SOD1: variants seen among roughly 807,000 people sequenced by gnomAD.
SOD1 encodes superoxide dismutase 1.
In SOD1, 8 loss-of-function variants were observed where a neutral mutation model predicts 15.9. The ratio of observed to expected loss-of-function variants is 0.50; its 90% confidence interval spans 0.30 to 0.91. SOD1 has a LOEUF of 0.91. Ranked by LOEUF, SOD1 falls within the 40% of genes least tolerant of loss-of-function variation. The pLI is 0.07. For synonymous variants in SOD1, 86 were observed against 71.2 expected, an observed-to-expected ratio of 1.21 and a Z score of -1.04; for missense variants, 137 against 194.5, an observed-to-expected ratio of 0.70 and a Z score of 1.76.
chr21:31,666,133 A>G (rs1446010487), intron 2 of SOD1, among the ~76,000 whole-genome samples: 1 of 151,786 alleles, frequency 6.6e-6, no homozygotes, highest in Non-Finnish European at 1.5e-5. Flanking sequence ...CACCACGCCT[A>G]GCTAATTTTT....
rs772711633 is a variant in SOD1, at chr21:31,668,858, A to G, written c.*280A>G. The stretch of plus-strand genomic sequence containing the variant: ...TTAAACTTGTCAGAATTTCTTTGTC[A>G]TTCAAGCCTGTGAATAAAAACCCTG... On this transcript the variant is annotated 3_prime_UTR_variant, in exon 5 of 5. Coordinates refer to ENST00000270142, the MANE Select transcript of SOD1 (RefSeq NM_000454.5). The G allele has an allele frequency of 2.3e-4, 92 of 399,212 alleles. No homozygotes were observed. The highest frequency in any genetic ancestry group is 3.9e-4 in the Non-Finnish European group (83 of 215,202). The allele number at this position is 399,212 out of a possible 1,614,324, so 24.7% of individuals were successfully genotyped here. A position where few individuals can be genotyped will look rare whatever the true frequency, so the allele number is the denominator to read the frequency against.
chr21:31,667,278 A>G lies in SOD1; in HGVS notation c.260A>G (p.Asn87Ser), dbSNP rs11556620. Residue 87 changes from asparagine to serine, a missense_variant, in exon 4 of 5, where the codon AAT (asparagine) becomes AGT (serine). Physicochemically the swap from Asn to Ser is conservative, Grantham distance 46. Transcript: ENST00000270142. ...DEERHVGDLG[N>S]VTADKDGVAD... ...ATTAGGCATGTTGGAGACTTGGGCA[A>G]TGTGACTGCTGACAAAGATGGTGTG... The G allele has an allele frequency of 1.2e-6, 2 of 1,614,054 alleles. No homozygotes were observed. Among genetic ancestry groups the G allele is most frequent in the South Asian group, 2.2e-5 (2 of 91,080 alleles).
chr21:31,666,422 G>A, intron 2 of SOD1, 27 bp from the exon 3 acceptor site: 1 of 1,554,860 alleles, frequency 6.4e-7, no homozygotes, highest in South Asian at 1.1e-5. Context: ...TCATAATTTA[G>A]CTTTTTTTTC....
rs201045805 is a variant in SOD1, at chr21:31,663,867, G to A, written c.150G>A (p.Glu50=). The A allele has an allele frequency of 1.3e-5, 21 of 1,613,364 alleles. No individual in the cohort carries two copies. In the South Asian group the frequency reaches 2.1e-4, roughly 16 times the overall value. ...TEGLHGFHVH[E]FGDNTAGCTS... is the part of the protein sequence containing the mutation. ...GCCTGCATGGATTCCATGTTCATGA[G>A]TTTGGAGATAATACAGCAGGTGGGT... is the stretch of plus-strand genomic sequence containing the variant. Residue 50 remains glutamate, a synonymous_variant, in exon 2 of 5, where the codon GAG becomes GAA. Coordinates refer to ENST00000270142, the MANE Select transcript of SOD1 (RefSeq NM_000454.5).
chr21:31,667,732 T>G (rs1221618433), intron 4 of SOD1, among the ~76,000 whole-genome samples: 5 of 152,218 alleles, frequency 3.3e-5, no homozygotes, highest in Non-Finnish European at 7.3e-5. Context: ...TGGGATGGAC[T>G]TAAGTATTCA....
chr21:31,663,105 C>A (rs931845405), intron 1 of SOD1, among the ~76,000 whole-genome samples: 1 of 147,228 alleles, frequency 6.8e-6, no homozygotes. Context: ...GCCTGTTGGA[C>A]ATTTCCAGGG....
intron 3 of SOD1, 53 bp from the exon 4 acceptor site, chr21:31,667,205 C>G: frequency 1.4e-6 from 2 of 1,387,276 alleles, no homozygotes; most frequent in East Asian, 4.6e-5. Flanking sequence ...CATGAACTAC[C>G]TTGATGTTTA....
chr21:31,666,910 A>G (rs1000996461), intron 3 of SOD1: 3 of 402,762 alleles, frequency 7.4e-6, no homozygotes, highest in South Asian at 5.4e-5. Context: ...CTCCATTTAT[A>G]TGTGTATGTT....
chr21:31,668,044 C>T (rs188383876), intron 4 of SOD1, among the ~76,000 whole-genome samples: 1 of 151,896 alleles, frequency 6.6e-6, no homozygotes, highest in Non-Finnish European at 1.5e-5. Flanking sequence ...AGGATTATAC[C>T]TTACTTATAG....
intron 4 of SOD1, 39 bp downstream of exon 4, chr21:31,667,414 AACAT>A: frequency 3.0e-6 from 4 of 1,313,452 alleles, no homozygotes; most frequent in Non-Finnish European, 4.4e-6. Context: ...AACTTCTTCT[AACAT>A]ACAGTCATGT....
chr21:31,664,758 A>G (rs1354833387), intron 2 of SOD1, among the ~76,000 whole-genome samples: 1 of 152,036 alleles, frequency 6.6e-6, no homozygotes, highest in African/African-American at 2.4e-5. Context: ...AGCTGGGACT[A>G]CAGGTGCCCG....
intron 1 of SOD1, chr21:31,660,729 A>C (rs1466838685): frequency 2.0e-5 from 3 of 152,198 alleles, no homozygotes; most frequent in Non-Finnish European, 4.4e-5. Flanking sequence ...CTGTTTTTTG[A>C]AAGTTTCCAA....
chr21:31,666,303 T>C, intron 2 of SOD1, 146 bp from the exon 3 acceptor site: 1 of 676,786 alleles, frequency 1.5e-6, no homozygotes, highest in South Asian at 1.6e-5. Context: ...CTTCTCACTG[T>C]GGCTGTACCA....
intron 4 of SOD1, 151 bp downstream of exon 4, chr21:31,667,526 G>A (rs2049606649): frequency 1.4e-6 from 1 of 723,424 alleles, no homozygotes; most frequent in Non-Finnish European, 2.5e-6. Context: ...GACAATTACG[G>A]TGAAAATGAA....
At chr21:31,663,728 A>G in intron 1 of SOD1, 62 bp from the exon 2 acceptor site, 1 of 1,286,684 alleles carries the variant, frequency 7.8e-7, no homozygotes, top group Non-Finnish European at 1.1e-6. Flanking sequence ...TGTGAGGGGT[A>G]AAGGTAAATC....
chr21:31,664,362 T>G, intron 2 of SOD1: 1 of 234,338 alleles, frequency 4.3e-6, no homozygotes, highest in South Asian at 6.8e-5. Flanking sequence ...CATATCCTGA[T>G]TTTTGTAATA....
intron 4 of SOD1, among the ~76,000 whole-genome samples, chr21:31,668,077 A>T (rs980792513): frequency 6.6e-6 from 1 of 152,164 alleles, no homozygotes. Context: ...TTTGGCATGA[A>T]ATTTTGAGTT....
chr21:31,663,760 ACTCT>A (rs1568809085), intron 1 of SOD1, 26 bp from the exon 2 acceptor site: 2 of 1,520,734 alleles, frequency 1.3e-6, no homozygotes, highest in Non-Finnish European at 9.1e-7. Context: ...TTGTTCAGAA[ACTCT>A]CTCCAACTTT....
rs2123437429 is a variant in SOD1, at chr21:31,668,863, A to G, written c.*285A>G. 2.5e-6 allele frequency: 1 copy of G among 392,266 alleles called. No homozygotes were observed. Among genetic ancestry groups the G allele is most frequent in the Middle Eastern group, 7.7e-4 (1 of 1,300 alleles). 24.3% of individuals were successfully genotyped at this position (392,266 alleles called of 1,614,324 possible). ...CTTGTCAGAATTTCTTTGTCATTCA[A>G]GCCTGTGAATAAAAACCCTGTATGG... On this transcript the variant is annotated 3_prime_UTR_variant, in exon 5 of 5. Transcript: ENST00000270142.
Sources: allele counts gnomAD v4.1 joint callset (sites outside exome capture counted in the v4.1 genomes callset), GRCh38; gene constraint gnomAD v4.1.1; transcripts MANE v1.5; gene names NCBI Gene and HGNC (gene_info 2026-07-23, HGNC 2026-07-21).